DNAAF11: variants seen among roughly 807,000 people sequenced by gnomAD.
The protein encoded by DNAAF11 is leucine rich repeat containing 6.
Under a neutral mutation model 60.8 loss-of-function variants are expected in DNAAF11, and 45 were observed. That is an observed-to-expected ratio of 0.74 (90% CI 0.58 to 0.95). The LOEUF is 0.95. Ranked by LOEUF, DNAAF11 falls within the 40% of genes least tolerant of loss-of-function variation. The pLI is 0.00. For synonymous variants in DNAAF11, 191 were observed against 183.5 expected, an observed-to-expected ratio of 1.04 and a Z score of -0.33; for missense variants, 546 against 546.2, an observed-to-expected ratio of 1.00 and a Z score of 0.00.
At chr8:132,668,451 A>ATC (rs774048434) in intron 1 of DNAAF11, among the ~76,000 whole-genome samples, 1 of 151,948 alleles carries the variant, frequency 6.6e-6, no homozygotes, top group Non-Finnish European at 1.5e-5. Context: ...TCTGAGCTGA[A>ATC]TCTTTTTTTT....
Position 132,619,049 on chromosome 8 carries a change from A to C in DNAAF11, c.914+3562T>G, listed in dbSNP as rs796618428. Among the ~76,000 whole-genome samples the C allele has an allele frequency of 7.9e-5, 12 of 152,308 alleles. No homozygotes were observed. In the South Asian group the frequency reaches 2.5e-3, roughly 32 times the overall value. ...AATAGCAAAGACTTGGAACCAACCC[A>C]AATGTCCAACAATGATAGACTGGAT... On this transcript the variant is annotated intron_variant, in intron 7 of 11. Transcript: ENST00000620350.
At chr8:132,620,912 T>C (rs938223082) in intron 7 of DNAAF11, among the ~76,000 whole-genome samples, 1 of 151,960 alleles carries the variant, frequency 6.6e-6, no homozygotes, top group East Asian at 1.9e-4. Context: ...AGTGAGCCGG[T>C]TGGGGAACTG....
chr8:132,601,127 A>G (rs1817567483), intron 10 of DNAAF11, among the ~76,000 whole-genome samples: 1 of 152,360 alleles, frequency 6.6e-6, no homozygotes, highest in Non-Finnish European at 1.5e-5. Context: ...ATGAACAGAC[A>G]TTTCTCAAAA....
At chr8:132,667,981 T>C (rs1027580130) in intron 1 of DNAAF11, among the ~76,000 whole-genome samples, 1 of 152,210 alleles carries the variant, frequency 6.6e-6, no homozygotes, top group Non-Finnish European at 1.5e-5. Context: ...TTACATCATG[T>C]TTTGTAAACA....
At chr8:132,630,769 T>G (rs935535790) in intron 5 of DNAAF11, among the ~76,000 whole-genome samples, 2 of 152,128 alleles carry the variant, frequency 1.3e-5, no homozygotes, top group African/African-American at 4.8e-5. Context: ...AAAAGATATT[T>G]AAAATATTCA....
intron 11 of DNAAF11, among the ~76,000 whole-genome samples, chr8:132,574,158 C>T (rs1018456229): frequency 2.0e-5 from 3 of 152,316 alleles, no homozygotes; most frequent in Middle Eastern, 3.4e-3. Flanking sequence ...AGTTTTGTGG[C>T]ATCAGCTATG....
chr8:132,666,437 A>G (rs1323972549), intron 1 of DNAAF11, among the ~76,000 whole-genome samples: 1 of 152,196 alleles, frequency 6.6e-6, no homozygotes, highest in African/African-American at 2.4e-5. Flanking sequence ...AAACAAAATT[A>G]AATTAAAAAG....
intron 6 of DNAAF11, 68 bp downstream of exon 6, chr8:132,625,204 A>G (rs922234660): frequency 8.1e-7 from 1 of 1,229,682 alleles, no homozygotes; most frequent in Non-Finnish European, 1.1e-6. Flanking sequence ...GGGTCAAAAA[A>G]TGGGCAATCA....
intron 5 of DNAAF11, among the ~76,000 whole-genome samples, chr8:132,631,452 T>G (rs1820784546): frequency 6.6e-6 from 1 of 152,240 alleles, no homozygotes; most frequent in Non-Finnish European, 1.5e-5. Context: ...TAGTTTTGCA[T>G]GTCTTCATGT....
chr8:132,609,570 C>T (rs1241982868), intron 10 of DNAAF11, among the ~76,000 whole-genome samples: 1 of 152,078 alleles, frequency 6.6e-6, no homozygotes, highest in African/African-American at 2.4e-5. Context: ...AGAGGAACTT[C>T]TGTTTCATTG....
At chr8:132,580,795 C>T (rs1186895327) in intron 11 of DNAAF11, among the ~76,000 whole-genome samples, 1 of 152,110 alleles carries the variant, frequency 6.6e-6, no homozygotes, top group Non-Finnish European at 1.5e-5. Flanking sequence ...AAAGAAAATC[C>T]CAATACATAC....
the DNAAF11 span, among the ~76,000 whole-genome samples, chr8:132,695,000 A>G: frequency 1.3e-5 from 2 of 152,206 alleles, no homozygotes; most frequent in African/African-American, 4.8e-5. Flanking sequence ...TGCTTTAAGA[A>G]GGAGGGAGTC....
At chr8:132,669,940 C>CAAAAAAAAAAAAAAA (rs35402875) in intron 1 of DNAAF11, among the ~76,000 whole-genome samples, 9 of 69,770 alleles carry the variant, frequency 1.3e-4, no homozygotes, top group African/African-American at 3.6e-4. Context: ...GACTCCGTCT[C>CAAAAAAAAAAAAAAA]AAAAAAAAAA....
At chr8:132,586,782 G>C (rs1227856526) in intron 10 of DNAAF11, among the ~76,000 whole-genome samples, 1 of 152,064 alleles carries the variant, frequency 6.6e-6, no homozygotes, top group Non-Finnish European at 1.5e-5. Context: ...GACCTTTGTT[G>C]GTCCTGCATC....
intron 1 of DNAAF11, among the ~76,000 whole-genome samples, chr8:132,669,551 A>G (rs907251517): frequency 2.0e-5 from 3 of 152,202 alleles, no homozygotes; most frequent in African/African-American, 7.2e-5. Flanking sequence ...TGATCAGGAA[A>G]GGCTGAGAGA....
chr8:132,612,433 T>C lies in DNAAF11; in HGVS notation c.975-1070A>G, dbSNP rs530030861. On this transcript the variant is annotated intron_variant, in intron 8 of 11. Transcript: ENST00000620350. Reference sequence around the variant, plus strand: ...CATCTGTCCTTACCTACATGGCCTTTCTCTGGCAGAAATAATTGTCTGACA... The same window carrying C: ...CATCTGTCCTTACCTACATGGCCTTCCTCTGGCAGAAATAATTGTCTGACA... 8.5e-5 allele frequency among the ~76,000 whole-genome samples: 13 copies of C among 152,350 alleles called. No homozygotes were observed. In the South Asian group the frequency reaches 2.7e-3, roughly 32 times the overall value.
chr8:132,667,359 C>T (rs1824737522), intron 1 of DNAAF11, among the ~76,000 whole-genome samples: 7 of 152,160 alleles, frequency 4.6e-5, no homozygotes, highest in Admixed American at 4.6e-4. Flanking sequence ...GCCCTTAGCA[C>T]AGTGCCTGGT....
At chr8:132,694,600 A>C in the DNAAF11 span, among the ~76,000 whole-genome samples, 3 of 152,322 alleles carry the variant, frequency 2.0e-5, no homozygotes, top group East Asian at 5.8e-4. Flanking sequence ...ATGAATCCTA[A>C]ATTTTTAATT....
chr8:132,682,517 T>C, the DNAAF11 span, among the ~76,000 whole-genome samples: 1 of 152,228 alleles, frequency 6.6e-6, no homozygotes, highest in Non-Finnish European at 1.5e-5. Context: ...TCATGAGATA[T>C]AGTCAAATAT....
Sources: gnomAD v4.1 joint callset for allele counts (sites outside exome capture counted in the v4.1 genomes callset) on GRCh38, gnomAD v4.1.1 for gene constraint, MANE v1.5 for transcripts, NCBI Gene and HGNC (gene_info 2026-07-23, HGNC 2026-07-21) for gene names.